CERT1: variants seen among roughly 807,000 people sequenced by gnomAD.
CERT1 encodes the protein ceramide transfer protein.
In CERT1, 31 loss-of-function variants were observed where a neutral mutation model predicts 87.9. The ratio of observed to expected loss-of-function variants is 0.35; its 90% confidence interval spans 0.27 to 0.48. CERT1 has a LOEUF of 0.48. Among genes scored for constraint, CERT1 ranks in the 20% least tolerant of loss-of-function variants. The pLI is 0.99. For missense variants in CERT1, 487 were observed against 758.0 expected, an observed-to-expected ratio of 0.64 and a Z score of 4.20; for synonymous variants, 289 against 250.9, an observed-to-expected ratio of 1.15 and a Z score of -1.44.
intron 8 of CERT1, among the ~76,000 whole-genome samples, chr5:75,403,332 G>A (rs1762574417): frequency 6.6e-6 from 1 of 152,214 alleles, no homozygotes; most frequent in African/African-American, 2.4e-5. Flanking sequence ...AAAAACTATG[G>A]CCCAAGGGCC....
At chr5:75,458,962 C>T in intron 3 of CERT1, 103 bp downstream of exon 3, 1 of 668,624 alleles carries the variant, frequency 1.5e-6, no homozygotes, top group South Asian at 1.9e-5. Context: ...AAATAATGTT[C>T]AATGTTTCAG....
rs1444701578 is a variant in CERT1, at chr5:75,419,412, T to C, written c.608A>G (p.Asp203Gly). ...ACGCGTTGTAGGAAAGTCATCTTCA[T>C]CATCTTCTACCACTAAATAAAATAT... Reference protein sequence around the residue: ...ELQRDKVVEDDEDDFPTTRSD... With the variant: ...ELQRDKVVEDGEDDFPTTRSD... Residue 203 changes from aspartate (D) to glycine (G), a missense_variant, in exon 6 of 17, where the codon GAT becomes GGT. Transcript: ENST00000643780. 3 of 1,607,630 alleles carry C rather than the reference T, an allele frequency of 1.9e-6. No individual in the cohort carries two copies.
chr5:75,488,262 G>T (rs983295205), intron 2 of CERT1, among the ~76,000 whole-genome samples: 4 of 151,952 alleles, frequency 2.6e-5, no homozygotes, highest in African/African-American at 9.7e-5. Flanking sequence ...TTACCACGAT[G>T]TGATTATTAC....
chr5:75,449,965 T>C (rs1475415942), intron 3 of CERT1, among the ~76,000 whole-genome samples: 3 of 152,178 alleles, frequency 2.0e-5, no homozygotes, highest in Non-Finnish European at 4.4e-5. Flanking sequence ...TCTTCATTGG[T>C]TGCATTAGTT....
chr5:75,377,678 T>C (rs1024653097), downstream of CERT1: 18 of 152,224 alleles, frequency 1.2e-4, no homozygotes, highest in Non-Finnish European at 5.9e-5. Context: ...TACACTTGTA[T>C]TTGTTCATTC....
intron 3 of CERT1, among the ~76,000 whole-genome samples, chr5:75,441,713 T>G (rs184542161): frequency 1.3e-5 from 2 of 152,354 alleles, no homozygotes; most frequent in Admixed American, 6.5e-5. Flanking sequence ...CATAGTGTCC[T>G]CACGCTTCAG....
chr5:75,434,482 A>G (rs1308990306), intron 3 of CERT1, among the ~76,000 whole-genome samples: 2 of 152,106 alleles, frequency 1.3e-5, no homozygotes, highest in Non-Finnish European at 1.5e-5. Context: ...AGGTTTTGGT[A>G]TAAGAATGAT....
chr5:75,511,648 C>A, upstream of CERT1: 1 of 1,508,310 alleles, frequency 6.6e-7, no homozygotes, highest in Non-Finnish European at 8.9e-7. Flanking sequence ...CTCCCCTGTC[C>A]TTTCCCCTCC....
upstream of CERT1, chr5:75,511,838 G>T (rs941122183): frequency 3.0e-5 from 46 of 1,548,770 alleles, no homozygotes; most frequent in Non-Finnish European, 3.9e-5. Context: ...ATGCAGCTGT[G>T]CTGCATTCTG....
chr5:75,457,244 ATGCCATAAATGGGGAAATACATCAG>A (rs1765022490), intron 3 of CERT1, among the ~76,000 whole-genome samples: 1 of 152,238 alleles, frequency 6.6e-6, no homozygotes, highest in Non-Finnish European at 1.5e-5. Flanking sequence ...CTTTTCCTAT[ATGCCATAAATGGGGAAATACATCAG>A]TCATTCTGGT....
intron 2 of CERT1, among the ~76,000 whole-genome samples, chr5:75,467,339 C>T (rs1390695250): frequency 6.6e-6 from 1 of 152,032 alleles, no homozygotes; most frequent in Non-Finnish European, 1.5e-5. Flanking sequence ...AAAGTTGTAA[C>T]TATAAAGAGG....
chr5:75,439,800 G>A (rs1241773030), intron 3 of CERT1, among the ~76,000 whole-genome samples: 1 of 151,836 alleles, frequency 6.6e-6, no homozygotes, highest in Non-Finnish European at 1.5e-5. Context: ...ATACGCAATG[G>A]GAACAATTTT....
downstream of CERT1, chr5:75,377,082 A>G (rs1446200413): frequency 6.6e-6 from 1 of 152,234 alleles, no homozygotes; most frequent in African/African-American, 2.4e-5. Context: ...AATATTTTAA[A>G]TGTTATTACA....
At chr5:75,511,726 C>G (rs1286271390), upstream of CERT1, 2 of 1,548,616 alleles carry the variant, frequency 1.3e-6, no homozygotes, top group Non-Finnish European at 1.7e-6. Flanking sequence ...ACGCGACACG[C>G]CGAGCCTTCG....
intron 2 of CERT1, among the ~76,000 whole-genome samples, chr5:75,463,299 T>G (rs1765316788): frequency 6.6e-6 from 1 of 152,140 alleles, no homozygotes; most frequent in Admixed American, 6.5e-5. Context: ...AATTAAATAC[T>G]AAGGATAAGA....
chr5:75,432,113 G>A (rs766163698), intron 3 of CERT1, among the ~76,000 whole-genome samples: 14 of 149,922 alleles, frequency 9.3e-5, no homozygotes, highest in Non-Finnish European at 1.9e-4. Context: ...ATGCAGTGGC[G>A]CGATCTCAAC....
chr5:75,374,002 AG>A, downstream of CERT1: 1 of 398,490 alleles, frequency 2.5e-6, no homozygotes, highest in Non-Finnish European at 4.4e-6. Context: ...CTGAGCAAGG[AG>A]ATCTAGCAAG....
intron 2 of CERT1, among the ~76,000 whole-genome samples, chr5:75,504,083 T>C (rs1277436998): frequency 6.6e-6 from 1 of 151,858 alleles, no homozygotes; most frequent in Admixed American, 6.6e-5. Flanking sequence ...CATCAATCAT[T>C]ATACTATTTT....
intron 3 of CERT1, among the ~76,000 whole-genome samples, chr5:75,442,796 G>T (rs181633108): frequency 7.9e-5 from 12 of 152,280 alleles, no homozygotes; most frequent in Non-Finnish European, 1.5e-4. Flanking sequence ...GGAAAAGAGA[G>T]AAAGAGCCAG....
Sources: gnomAD v4.1 joint callset for allele counts (sites outside exome capture counted in the v4.1 genomes callset) on GRCh38, gnomAD v4.1.1 for gene constraint, MANE v1.5 for transcripts, NCBI Gene and HGNC (gene_info 2026-07-23, HGNC 2026-07-21) for gene names.